Variants in PMEL observed in about 807,000 individuals in gnomAD.
PMEL encodes the protein melanocyte protein PMEL.
In PMEL, 53 loss-of-function variants were observed where a neutral mutation model predicts 64.9. The observed-to-expected ratio is 0.82, with a 90% CI of 0.66 to 1.03. The LOEUF (loss-of-function observed/expected upper bound fraction) is 1.03, where lower values mean the gene tolerates loss of function less well. PMEL is among the 50% of genes least tolerant of loss of function. PMEL has a pLI of 0.00. For missense variants in PMEL, 716 were observed against 814.9 expected (o/e 0.88, Z 1.48); for synonymous variants, 299 against 316.2 (o/e 0.95, Z 0.58).
chr12:55,964,638 A>T (rs1889219385), intron 1 of PMEL, among the ~76,000 whole-genome samples: 1 of 149,866 alleles, frequency 6.7e-6, no homozygotes, highest in Non-Finnish European at 1.5e-5. Context: ...TTCTTTTTTT[A>T]TTTTTTTGAG....
In PMEL at chr12:55,955,811, A is replaced by T; in HGVS notation, c.1524T>A (p.Asp508Glu). 6.2e-7 allele frequency: 1 copy of T among 1,614,120 alleles called. No individual in the cohort carries two copies. The highest frequency in any genetic ancestry group is 8.5e-7 in the Non-Finnish European group (1 of 1,179,966). ...ILQAVPSGEG[D>E]AFELTVSCQG... ...GGCAGGACACAGTCAGCTCAAATGC[A>T]TCCCCCTCACCGGACGGCACAGCCT... The change falls in exon 8 of 11, where the codon GAT becomes GAA. Residue 508 changes from aspartate (D) to glutamate (E), a missense_variant. By Grantham distance (45) the Asp-to-Glu change is conservative (BLOSUM62 2). Transcript: ENST00000548747.
chr12:55,963,860 A>C (rs1889190705), intron 1 of PMEL, among the ~76,000 whole-genome samples: 1 of 151,924 alleles, frequency 6.6e-6, no homozygotes, highest in Non-Finnish European at 1.5e-5. Context: ...CCTTTCCTGC[A>C]GAAACCTCTC....
chr12:55,955,701 C>T, intron 8 of PMEL, 32 bp from the exon 9 acceptor site: 1 of 1,611,188 alleles, frequency 6.2e-7, no homozygotes, highest in South Asian at 1.1e-5. Flanking sequence ...ATAAGGGGAT[C>T]TGGGAAGGGA....
intron 1 of PMEL, among the ~76,000 whole-genome samples, chr12:55,963,894 C>T (rs73123217): frequency 0.023 from 3,490 of 151,120 alleles, 63 homozygotes; most frequent in Non-Finnish European, 0.037. Context: ...CCTCCCCTCT[C>T]CTCTCCTTTC....
chr12:55,955,974 A>C (rs1466175910), intron 7 of PMEL, 111 bp from the exon 8 acceptor site: 4 of 1,153,688 alleles, frequency 3.5e-6, no homozygotes, highest in African/African-American at 3.0e-5. Flanking sequence ...TGTGCTTTCA[A>C]ATGAGGACTC....
intron 4 of PMEL, 191 bp from the exon 5 acceptor site, chr12:55,958,275 T>G: frequency 1.3e-6 from 1 of 768,544 alleles, no homozygotes; most frequent in Non-Finnish European, 2.0e-6. Context: ...AGGACTACAA[T>G]TGAGGAAGAG....
At chr12:55,961,826 C>A in intron 1 of PMEL, 94 bp from the exon 2 acceptor site, 1 of 713,000 alleles carries the variant, frequency 1.4e-6, no homozygotes. Flanking sequence ...TTCTCACATT[C>A]GAAGTGCATT....
At position 55,957,442 on chromosome 12, in the gene PMEL, A is replaced by G. The variant is rs1888930971; in HGVS notation, c.861T>C (p.Thr287=). Residue 287 remains threonine (T), a synonymous_variant, in exon 6 of 11, where the codon ACT becomes ACC. Transcript: ENST00000548747. ...TGGCAGCCTGCAGGACCACCTGGGC[A>G]GTGACTGGGCCAGGCTCCAGGTAAG... The part of the protein sequence containing the change: ...THTYLEPGPV[T]AQVVLQAAIP... 1.9e-6 allele frequency: 3 copies of G among 1,612,876 alleles called. No individual in the cohort carries two copies. The highest frequency in any genetic ancestry group is 2.5e-6 in the Non-Finnish European group (3 of 1,179,170).
At chr12:55,959,205 C>T (rs1467833664) in intron 3 of PMEL, among the ~76,000 whole-genome samples, 1 of 151,450 alleles carries the variant, frequency 6.6e-6, no homozygotes, top group African/African-American at 2.4e-5. Context: ...CATAGCAAGA[C>T]CCTGTCTCTA....
intron 1 of PMEL, 73 bp downstream of exon 1, chr12:55,965,863 G>A (rs564298161): frequency 1.4e-5 from 22 of 1,578,120 alleles, no homozygotes; most frequent in Non-Finnish European, 1.9e-5. Flanking sequence ...CTCCCATTAG[G>A]AGGACAGAAA....
chr12:55,957,184 A>G lies in PMEL; in HGVS notation c.1119T>C (p.Gly373=). 6.2e-7 allele frequency: 1 copy of G among 1,614,178 alleles called. No individual in the cohort carries two copies. Among genetic ancestry groups the G allele is most frequent in the Non-Finnish European group, 8.5e-7 (1 of 1,180,032 alleles). Residue 373 remains glycine, a synonymous_variant, in exon 6 of 11, where the codon GGT becomes GGC. Coordinates refer to ENST00000548747, the MANE Select transcript of PMEL (RefSeq NM_001384361.1). Reference sequence around the variant, plus strand: ...AAACTGGCACCTTCTCAGGTGTCATACCTGTGCTCTCTGCAGTTGGCATCT... The same window carrying G: ...AAACTGGCACCTTCTCAGGTGTCATGCCTGTGCTCTCTGCAGTTGGCATCT... ...PVQMPTAEST[G]MTPEKVPVSE... is the part of the protein sequence containing the mutation.
chr12:55,956,412 T>C (rs1421134343), intron 6 of PMEL, 193 bp from the exon 7 acceptor site: 2 of 544,930 alleles, frequency 3.7e-6, no homozygotes, highest in African/African-American at 3.8e-5. Flanking sequence ...AAATGACTCC[T>C]CCAGAGTCAC....
Position 55,955,600 on chromosome 12 carries a change from C to G in PMEL, c.1626G>C (p.Gln542His). The change falls in exon 9 of 11, where the codon CAG becomes CAC. Residue 542 changes from glutamine to histidine, a missense_variant. Transcript: ENST00000548747. ...GCQPPAQRLCQPVLPSPACQL... is the reference protein window; with the variant it reads ...GCQPPAQRLCHPVLPSPACQL... ...GGCAGGCTGGGCTGGGTAGCACAGG[C>G]TGGCACAGCCGCTGGGCAGGGGGCT... 6.2e-7 allele frequency: 1 copy of G among 1,613,934 alleles called. No homozygotes were observed. The highest frequency in any genetic ancestry group is 8.5e-7 in the Non-Finnish European group (1 of 1,180,002).
In PMEL at chr12:55,960,537, G is replaced by GTTTTTTTTTTTTTTTTT. The variant is rs760692409; in HGVS notation, c.334+763_334+779dup. On this transcript the variant is annotated intron_variant, in intron 3 of 10. Transcript: ENST00000548747. ...TAATTTTCTTTTCTTTTTGCTTTCTGTTTTTTTTTTTTTTTTTTTTTTTGA... is the reference window on the plus strand; with the variant it reads ...TAATTTTCTTTTCTTTTTGCTTTCTGTTTTTTTTTTTTTTTTTTTTTTTTTTTTTTTTTTTTTTTTGA... 3.1e-5 allele frequency among the ~76,000 whole-genome samples: 3 copies of GTTTTTTTTTTTTTTTTT among 97,302 alleles called. 1 individual carries two copies. Among genetic ancestry groups the GTTTTTTTTTTTTTTTTT allele is most frequent in the African/African-American group, 1.4e-4 (3 of 22,120 alleles). The allele number at this position is 97,302 out of a possible 152,430, so 63.8% of individuals were successfully genotyped here.
At chr12:55,956,525 A>C in intron 6 of PMEL, 1 of 351,432 alleles carries the variant, frequency 2.8e-6, no homozygotes. Flanking sequence ...TAACTCATTT[A>C]AGCATCACTG....
At position 55,957,469 on chromosome 12, in the gene PMEL, A is replaced by T; in HGVS notation, c.834T>A (p.His278Gln). 6.2e-7 allele frequency: 1 copy of T among 1,613,992 alleles called. No homozygotes were observed. Among genetic ancestry groups the T allele is most frequent in the African/African-American group, 1.3e-5 (1 of 75,000 alleles). ...TGACTGGGCCAGGCTCCAGGTAAGTATGAGTGACCACAAGTGCCCGAGAGA... is the reference window on the plus strand; with the variant it reads ...TGACTGGGCCAGGCTCCAGGTAAGTTTGAGTGACCACAAGTGCCCGAGAGA... ...TLISRALVVTHTYLEPGPVTA... is the reference protein window; with the variant it reads ...TLISRALVVTQTYLEPGPVTA... The change falls in exon 6 of 11, where the codon CAT becomes CAA. Residue 278 changes from histidine (H) to glutamine (Q), a missense_variant. Transcript: ENST00000548747.
In PMEL at chr12:55,958,059, G is replaced by T. The variant is rs200721518; in HGVS notation, c.495C>A (p.Gly165=). Residue 165 remains glycine (G), a synonymous_variant, in exon 5 of 11, where the codon GGC becomes GGA. Transcript: ENST00000548747. ...TWGQYWQVLG[G]PVSGLSIGTG... is the part of the protein sequence containing the mutation. ...TCCCAATGCTCAGCCCAGACACTGG[G>T]CCCCCTAGAACTTGCCAGTATTGGC... The T allele has an allele frequency of 3.1e-6, 5 of 1,614,132 alleles. No homozygotes were observed. In the Admixed American group the frequency reaches 8.3e-5, roughly 27 times the overall value.
chr12:55,958,444 G>A (rs1438391108), intron 4 of PMEL, 29 bp downstream of exon 4: 2 of 1,608,408 alleles, frequency 1.2e-6, no homozygotes, highest in Non-Finnish European at 1.7e-6. Flanking sequence ...CACAAGTGTG[G>A]ATGATAGGCT....
chr12:55,955,691 A>G lies in PMEL; in HGVS notation c.1557-22T>C, dbSNP rs549051528. On this transcript the variant is annotated intron_variant, in intron 8 of 10. Coordinates refer to ENST00000548747, the MANE Select transcript of PMEL (RefSeq NM_001384361.1). Reference sequence around the variant, plus strand: ...CAGCCTGGAAGAAGTGTCAGCATATATAAGGGGATCTGGGAAGGGACACTA... The same window carrying G: ...CAGCCTGGAAGAAGTGTCAGCATATGTAAGGGGATCTGGGAAGGGACACTA... 3.2e-5 allele frequency: 52 copies of G among 1,612,492 alleles called. No individual in the cohort carries two copies. In the Admixed American group the frequency reaches 8.3e-4, roughly 26 times the overall value.
Sources: allele counts gnomAD v4.1 joint callset (sites outside exome capture counted in the v4.1 genomes callset), GRCh38; gene constraint gnomAD v4.1.1; transcripts MANE v1.5; gene names NCBI Gene and HGNC (gene_info 2026-07-23, HGNC 2026-07-21).